The following DOCK4 variants were observed in gnomAD, a reference collection of about 807,000 sequenced individuals.
DOCK4 encodes dedicator of cytokinesis protein 4.
In DOCK4, 97 loss-of-function variants were observed where a neutral mutation model predicts 268.1. The ratio of observed to expected loss-of-function variants is 0.36; its 90% CI spans 0.31 to 0.43. The LOEUF (loss-of-function observed/expected upper bound fraction) is 0.43, where lower values mean the gene tolerates loss of function less well. Among genes scored for constraint, DOCK4 ranks in the 20% least tolerant of loss-of-function variants. The pLI is 1.00. For missense variants in DOCK4, 2,145 were observed against 2,455.7 expected (o/e 0.87, Z 2.67); for synonymous variants, 954 against 887.2 (o/e 1.08, Z -1.34).
chr7:112,188,855 A>G (rs1298862036), intron 1 of DOCK4, among the ~76,000 whole-genome samples: 3 of 152,204 alleles, frequency 2.0e-5, no homozygotes, highest in African/African-American at 7.2e-5. Flanking sequence ...TTATCCTACT[A>G]AACTTATTTT....
chr7:111,934,702 G>GTAT (rs1794576723), intron 12 of DOCK4, among the ~76,000 whole-genome samples: 1 of 134,282 alleles, frequency 7.4e-6, no homozygotes, highest in Non-Finnish European at 1.6e-5. Flanking sequence ...GCTAATTTTT[G>GTAT]TATTTTTTTT....
intron 1 of DOCK4, among the ~76,000 whole-genome samples, chr7:112,192,964 C>T (rs1161448654): frequency 6.6e-6 from 1 of 152,086 alleles, no homozygotes; most frequent in African/African-American, 2.4e-5. Context: ...AGAAATTCCT[C>T]CAAATATTGC....
chr7:112,147,636 G>A (rs1336652280), intron 1 of DOCK4, among the ~76,000 whole-genome samples: 1 of 151,956 alleles, frequency 6.6e-6, no homozygotes, highest in Non-Finnish European at 1.5e-5. Flanking sequence ...TAGAAATCCT[G>A]CATCAGAAGA....
At chr7:112,172,647 T>C (rs932225615) in intron 1 of DOCK4, among the ~76,000 whole-genome samples, 6 of 152,182 alleles carry the variant, frequency 3.9e-5, no homozygotes, top group African/African-American at 1.2e-4. Context: ...TCTTCTGCAA[T>C]AGAAATAAAT....
At chr7:112,175,110 G>A (rs1275064351) in intron 1 of DOCK4, among the ~76,000 whole-genome samples, 5 of 151,752 alleles carry the variant, frequency 3.3e-5, no homozygotes, top group East Asian at 1.9e-4. Context: ...TGATCTGCCC[G>A]CCTCGGCCTC....
At chr7:112,169,350 C>T (rs887327086) in intron 1 of DOCK4, among the ~76,000 whole-genome samples, 22 of 152,116 alleles carry the variant, frequency 1.4e-4, no homozygotes, top group African/African-American at 5.3e-4. Flanking sequence ...TATGCCATTG[C>T]TCCAAAGCTA....
At chr7:112,051,218 G>A (rs1003136457) in intron 1 of DOCK4, among the ~76,000 whole-genome samples, 1 of 152,070 alleles carries the variant, frequency 6.6e-6, no homozygotes, top group Non-Finnish European at 1.5e-5. Flanking sequence ...GCTAGGCATT[G>A]TCAAGAAAAG....
chr7:112,042,105 C>T (rs1804428897), intron 1 of DOCK4, among the ~76,000 whole-genome samples: 1 of 152,042 alleles, frequency 6.6e-6, no homozygotes. Flanking sequence ...CACTGCGCTC[C>T]AGCCTGGGCA....
intron 1 of DOCK4, among the ~76,000 whole-genome samples, chr7:112,057,836 A>G (rs1388781399): frequency 1.3e-5 from 2 of 151,770 alleles, no homozygotes; most frequent in Admixed American, 1.3e-4. Context: ...GCTCTCACTA[A>G]AAGTACATAA....
intron 25 of DOCK4, among the ~76,000 whole-genome samples, chr7:111,838,688 G>A (rs1236069974): frequency 6.6e-6 from 1 of 152,124 alleles, no homozygotes; most frequent in African/African-American, 2.4e-5. Flanking sequence ...AAGCAGGTCA[G>A]TAGTTGCTTG....
At chr7:112,057,790 T>C (rs971334049) in intron 1 of DOCK4, among the ~76,000 whole-genome samples, 1 of 151,332 alleles carries the variant, frequency 6.6e-6, no homozygotes, top group Non-Finnish European at 1.5e-5. Flanking sequence ...AATAAATATA[T>C]AAAAATAATA....
chr7:112,153,525 A>T lies in DOCK4; in HGVS notation c.37+52577T>A, dbSNP rs532133231. ...TAATAATTATCTGAAATTATATTTT[A>T]AAAATGATAGGCAATTCCCAGCTTA... On this transcript the variant is annotated intron_variant, in intron 1 of 52. Coordinates refer to ENST00000428084, the MANE Select transcript of DOCK4 (RefSeq NM_001363540.2). Among the ~76,000 whole-genome samples, 8 of 152,310 alleles carry T rather than the reference A, an allele frequency of 5.3e-5. No homozygotes were observed. In the South Asian group the frequency reaches 8.3e-4, roughly 16 times the overall value.
intron 23 of DOCK4, among the ~76,000 whole-genome samples, chr7:111,848,076 T>C (rs1563585703): frequency 6.6e-6 from 1 of 152,222 alleles, no homozygotes; most frequent in Non-Finnish European, 1.5e-5. Context: ...CTTGTGTTCT[T>C]CAGATCTGGG....
intron 33 of DOCK4, 55 bp from the exon 34 acceptor site, chr7:111,784,007 G>A: frequency 6.4e-7 from 1 of 1,569,306 alleles, no homozygotes; most frequent in Non-Finnish European, 8.7e-7. Flanking sequence ...CAGTCACCAT[G>A]ACAACCACTT....
At chr7:111,953,448 C>A (rs1796215531) in intron 8 of DOCK4, among the ~76,000 whole-genome samples, 1 of 152,156 alleles carries the variant, frequency 6.6e-6, no homozygotes, top group Non-Finnish European at 1.5e-5. Flanking sequence ...TATTTCACTG[C>A]TTCTCCTGCA....
chr7:112,172,252 G>C (rs1046589198), intron 1 of DOCK4, among the ~76,000 whole-genome samples: 1 of 152,102 alleles, frequency 6.6e-6, no homozygotes, highest in Non-Finnish European at 1.5e-5. Flanking sequence ...CCTCTACCTA[G>C]AAGGCTAACA....
intron 12 of DOCK4, among the ~76,000 whole-genome samples, chr7:111,930,285 C>T (rs1421903470): frequency 6.6e-6 from 1 of 152,146 alleles, no homozygotes; most frequent in African/African-American, 2.4e-5. Flanking sequence ...CTAAACTCAA[C>T]TAAGATAGTG....
intron 1 of DOCK4, among the ~76,000 whole-genome samples, chr7:112,131,402 T>C (rs1446412766): frequency 1.5e-4 from 23 of 152,132 alleles, no homozygotes. Context: ...TTCACCCGTA[T>C]GTGAAACTTA....
At chr7:112,005,971 T>C (rs1260499667) in intron 1 of DOCK4, among the ~76,000 whole-genome samples, 2 of 152,188 alleles carry the variant, frequency 1.3e-5, no homozygotes, top group Non-Finnish European at 2.9e-5. Context: ...TCATTTTGCC[T>C]TCCAGGAATC....
Sources: gnomAD v4.1 joint callset for allele counts (sites outside exome capture counted in the v4.1 genomes callset) on GRCh38, gnomAD v4.1.1 for gene constraint, MANE v1.5 for transcripts, NCBI Gene and HGNC (gene_info 2026-07-23, HGNC 2026-07-21) for gene names.